Variants in GSDME observed in about 807,000 individuals in gnomAD.
GSDME encodes gasdermin E.
In GSDME, 44 loss-of-function variants were observed where a neutral mutation model predicts 47.5. The observed-to-expected ratio is 0.93, with a 90% CI of 0.73 to 1.19. The LOEUF (loss-of-function observed/expected upper bound fraction) is 1.19, where lower values mean the gene tolerates loss of function less well. Among genes scored for constraint, GSDME ranks in the 50% most tolerant of loss-of-function variants. The pLI, the probability that GSDME is intolerant of heterozygous loss-of-function variation, is 0.00. For missense variants in GSDME, 663 were observed against 604.2 expected (o/e 1.10, Z -1.02); for synonymous variants, 258 against 252.8 (o/e 1.02, Z -0.20).
chr7:24,781,223 C>T, the GSDME span, among the ~76,000 whole-genome samples: 3 of 152,264 alleles, frequency 2.0e-5, no homozygotes, highest in East Asian at 5.8e-4. Flanking sequence ...TCCAGACAGG[C>T]GTCTAGAAGG....
chr7:24,707,225 T>C, intron 7 of GSDME: 1 of 444,554 alleles, frequency 2.2e-6, no homozygotes, highest in Admixed American at 2.8e-5. Flanking sequence ...CTAAATCAGT[T>C]ATTCAAACTC....
chr7:24,698,947 T>C lies in GSDME; in HGVS notation c.*79A>G, dbSNP rs1788744337. 1 of 987,096 alleles carries C rather than the reference T, an allele frequency of 1.0e-6. No individual in the cohort carries two copies. The highest frequency in any genetic ancestry group is 1.6e-5 in the African/African-American group (1 of 62,242). The allele number at this position is 987,096 out of a possible 1,614,324, so 61.1% of individuals were successfully genotyped here. ...CTGTAAATTCATTTCATTGGTCAAC[T>C]TTTAACGTGCATATGACCTTTAACA... On this transcript the variant is annotated 3_prime_UTR_variant, in exon 10 of 10. Coordinates refer to ENST00000645220, the MANE Select transcript of GSDME (RefSeq NM_001127453.2).
Position 24,744,458 on chromosome 7 carries a change from G to C in GSDME, c.404+104C>G. Reference sequence around the variant, plus strand: ...CAAGCGCATTCAATACATGTTTATTGATCGGCAGAGATCAAATCTGTCGCC... The same window carrying C: ...CAAGCGCATTCAATACATGTTTATTCATCGGCAGAGATCAAATCTGTCGCC... On this transcript the variant is annotated intron_variant, in intron 3 of 9. Transcript: ENST00000645220. This position sits in a 1 kb window ranked among gnomAD's most constrained non-coding sequence, Gnocchi z 4.5. 7 of 1,229,928 alleles carry C rather than the reference G, an allele frequency of 5.7e-6. No individual in the cohort carries two copies. The highest frequency in any genetic ancestry group is 7.1e-6 in the Non-Finnish European group (6 of 839,550). The allele number at this position is 1,229,928 out of a possible 1,614,324, so 76.2% of individuals were successfully genotyped here.
the GSDME span, among the ~76,000 whole-genome samples, chr7:24,769,768 C>T: frequency 6.6e-6 from 1 of 152,164 alleles, no homozygotes; most frequent in Non-Finnish European, 1.5e-5. Flanking sequence ...AACAAAAACA[C>T]ACGCATGCAA....
intron 2 of GSDME, among the ~76,000 whole-genome samples, chr7:24,748,159 TATATATA>T (rs1305953038): frequency 6.8e-5 from 8 of 118,484 alleles, no homozygotes; most frequent in South Asian, 3.4e-4. Flanking sequence ...TATATATATA[TATATATA>T]TATTTTTTTT....
At chr7:24,715,518 T>C (rs1028178992) in intron 5 of GSDME, 5 of 470,680 alleles carry the variant, frequency 1.1e-5, no homozygotes, top group Non-Finnish European at 2.2e-5. Flanking sequence ...GAGTGACACA[T>C]TCACCACTGG....
the GSDME span, among the ~76,000 whole-genome samples, chr7:24,770,443 A>C: frequency 6.6e-6 from 1 of 152,218 alleles, no homozygotes; most frequent in Non-Finnish European, 1.5e-5. The surrounding 1 kb of genome is among the most constrained non-coding windows in gnomAD (Gnocchi z 4.6). Context: ...ATTGAACCTG[A>C]GGAGAAAGTC....
intron 7 of GSDME, 139 bp downstream of exon 7, chr7:24,707,988 C>G: frequency 3.7e-6 from 4 of 1,081,398 alleles, no homozygotes; most frequent in Admixed American, 2.4e-5. Context: ...TTAGAAAACG[C>G]AGGACCCAAG....
chr7:24,753,170 C>T (rs1201484996), intron 1 of GSDME, among the ~76,000 whole-genome samples: 1 of 152,140 alleles, frequency 6.6e-6, no homozygotes, highest in Non-Finnish European at 1.5e-5. Context: ...TTCTTTATTA[C>T]TATTACATGT....
At chr7:24,787,013 A>T in the GSDME span, among the ~76,000 whole-genome samples, 13 of 152,066 alleles carry the variant, frequency 8.5e-5, no homozygotes, top group African/African-American at 3.1e-4. The surrounding 1 kb of genome is among the most constrained non-coding windows in gnomAD (Gnocchi z 5.0). Context: ...CACTGGAAAG[A>T]GGTGAGGGCC....
chr7:24,708,211 C>T lies in GSDME; in HGVS notation c.906G>A (p.Leu302=), dbSNP rs141596134. The T allele has an allele frequency of 1.4e-4, 219 of 1,614,150 alleles. 1 individual carries two copies. In the East Asian group the frequency reaches 4.9e-3, roughly 36 times the overall value. The change falls in exon 7 of 10, where the codon CTG becomes CTA. Residue 302 remains leucine, a synonymous_variant. Transcript: ENST00000645220. ...LERNFHPFAE[L]PEPQQTALSD... ...TCAAAGCTGTCTGTTGTGGCTCAGG[C>T]AGCTCCGCAAATGGATGGAAATTCC...
the GSDME span, among the ~76,000 whole-genome samples, chr7:24,794,125 T>C: frequency 6.6e-6 from 1 of 151,038 alleles, no homozygotes; most frequent in Non-Finnish European, 1.5e-5. Flanking sequence ...TGTTTTTTTC[T>C]TAACTACTTG....
chr7:24,710,158 C>G, intron 6 of GSDME, 66 bp downstream of exon 6: 2 of 1,553,346 alleles, frequency 1.3e-6, no homozygotes, highest in Non-Finnish European at 1.8e-6. Context: ...AAGGCCACAC[C>G]ACCTCTTGGG....
At chr7:24,771,942 T>C in the GSDME span, among the ~76,000 whole-genome samples, 1 of 152,164 alleles carries the variant, frequency 6.6e-6, no homozygotes, top group Non-Finnish European at 1.5e-5. This position sits in a 1 kb window ranked among gnomAD's most constrained non-coding sequence, Gnocchi z 4.1. Context: ...GCTATTATCA[T>C]CCCATTTGAA....
In GSDME at chr7:24,699,158, G is replaced by C. The variant is rs759076391; in HGVS notation, c.1359C>G (p.Ala453=). The C allele has an allele frequency of 4.3e-6, 7 of 1,614,174 alleles. No individual in the cohort carries two copies. The South Asian group carries it at 5.5e-5, about 13-fold the overall frequency. ...ERFGIVQRLF[A]SADISLERLK... ...GTCTCTCCAGACTAATGTCAGCTGA[G>C]GCAAACAAGCGCTGCACAATCCCAA... The change falls in exon 10 of 10, where the codon GCC becomes GCG. Residue 453 remains alanine (A), a synonymous_variant. Coordinates refer to ENST00000645220, the MANE Select transcript of GSDME (RefSeq NM_001127453.2).
chr7:24,795,100 A>G, the GSDME span, among the ~76,000 whole-genome samples: 1 of 152,152 alleles, frequency 6.6e-6, no homozygotes, highest in East Asian at 1.9e-4. Context: ...CGTGTTCCAG[A>G]TGTCTGGACT....
In GSDME at chr7:24,712,105, T is replaced by C. The variant is rs1158702235; in HGVS notation, c.698-1717A>G. On this transcript the variant is annotated intron_variant, in intron 5 of 9. Coordinates refer to ENST00000645220, the MANE Select transcript of GSDME (RefSeq NM_001127453.2). This position sits in a 1 kb window ranked among gnomAD's most constrained non-coding sequence, Gnocchi z 4.4. ...ATTTGCTTGTGGGCATTAATGATGC[T>C]CATAAAGATAGAATGGAAAAGAAAA... is the stretch of plus-strand genomic sequence containing the variant. Among the ~76,000 whole-genome samples the C allele has an allele frequency of 6.6e-6, 1 of 152,176 alleles. No homozygotes were observed. The highest frequency in any genetic ancestry group is 1.5e-5 in the Non-Finnish European group (1 of 68,034).
intron 6 of GSDME, among the ~76,000 whole-genome samples, 168 bp from the exon 7 acceptor site, chr7:24,708,422 C>T (rs190730035): frequency 6.6e-6 from 1 of 152,292 alleles, no homozygotes; most frequent in Non-Finnish European, 1.5e-5. Flanking sequence ...ACAAGCCACC[C>T]TGCATATTTT....
chr7:24,793,518 C>T, the GSDME span, among the ~76,000 whole-genome samples: 1 of 152,146 alleles, frequency 6.6e-6, no homozygotes, highest in Non-Finnish European at 1.5e-5. Context: ...ACTTTTCTTA[C>T]ACACTTTGCA....
Sources: gnomAD v4.1 joint callset for allele counts (sites outside exome capture counted in the v4.1 genomes callset) on GRCh38, gnomAD v4.1.1 for gene constraint, Gnocchi (gnomAD v3.1) non-coding constraint, MANE v1.5 for transcripts, NCBI Gene and HGNC (gene_info 2026-07-23, HGNC 2026-07-21) for gene names.